The following ZC3H18 variants were observed in gnomAD, a reference collection of about 807,000 sequenced individuals.
ZC3H18 encodes zinc finger CCCH-type containing 18.
In ZC3H18, 8 loss-of-function variants were observed where a neutral mutation model predicts 106.1. The ratio of observed to expected loss-of-function variants is 0.08; its 90% CI spans 0.04 to 0.14. The LOEUF is 0.14. ZC3H18 is among the 10% of genes least tolerant of loss of function. The pLI is 1.00. For missense variants in ZC3H18, 1,318 were observed against 1,278.4 expected, an observed-to-expected ratio of 1.03 and a Z score of -0.47; for synonymous variants, 635 against 522.1, an observed-to-expected ratio of 1.22 and a Z score of -2.95.
At chr16:88,578,421 T>G (rs1029350830) in intron 2 of ZC3H18, among the ~76,000 whole-genome samples, 2 of 152,172 alleles carry the variant, frequency 1.3e-5, no homozygotes, top group Non-Finnish European at 1.5e-5. Context: ...GGAAAAACTA[T>G]GAGTGTTTCG....
chr16:88,579,985 G>C (rs531839717), intron 2 of ZC3H18, among the ~76,000 whole-genome samples: 95 of 152,256 alleles, frequency 6.2e-4, no homozygotes, highest in African/African-American at 2.2e-3. Flanking sequence ...CTCTACAAGA[G>C]CACATTTGAC....
At chr16:88,624,429 C>A (rs1906164615) in intron 11 of ZC3H18, 173 bp from the exon 12 acceptor site, 3 of 1,076,226 alleles carry the variant, frequency 2.8e-6, no homozygotes, top group Admixed American at 2.3e-5. Flanking sequence ...TGAAGCCGTT[C>A]CCAAGCACTC....
intron 10 of ZC3H18, chr16:88,623,659 G>C: frequency 1.8e-6 from 1 of 553,504 alleles, no homozygotes; most frequent in South Asian, 2.5e-5. Flanking sequence ...GTTTCTATGG[G>C]AGCTGTGCTG....
At chr16:88,610,544 G>A (rs894613751) in intron 7 of ZC3H18, among the ~76,000 whole-genome samples, 1 of 152,244 alleles carries the variant, frequency 6.6e-6, no homozygotes, top group Non-Finnish European at 1.5e-5. Context: ...TGCTGTGTCC[G>A]AGGGAGGGGC....
At chr16:88,605,711 G>A (rs947840622) in intron 6 of ZC3H18, among the ~76,000 whole-genome samples, 3 of 152,208 alleles carry the variant, frequency 2.0e-5, no homozygotes, top group African/African-American at 7.2e-5. Flanking sequence ...TTGAGATCCA[G>A]TTTCCTTGTC....
At chr16:88,615,274 G>A (rs1905526788) in intron 8 of ZC3H18, among the ~76,000 whole-genome samples, 1 of 132,406 alleles carries the variant, frequency 7.6e-6, no homozygotes, top group African/African-American at 2.9e-5. Context: ...CCTCCTCCAG[G>A]GTTTTGCTCA....
intron 7 of ZC3H18, 42 bp from the exon 8 acceptor site, chr16:88,611,226 A>G (rs753727228): frequency 4.1e-5 from 30 of 731,864 alleles, no homozygotes; most frequent in East Asian, 4.9e-5. Context: ...CTGTCACCCA[A>G]ATAACGCACG....
intron 17 of ZC3H18, 49 bp downstream of exon 17, chr16:88,630,630 C>G: frequency 1.3e-6 from 2 of 1,515,914 alleles, no homozygotes; most frequent in Non-Finnish European, 1.8e-6. Flanking sequence ...GGGCCAGCCC[C>G]AGTCGCTTCC....
At chr16:88,617,480 G>A (rs1308183690) in intron 8 of ZC3H18, among the ~76,000 whole-genome samples, 4 of 152,228 alleles carry the variant, frequency 2.6e-5, no homozygotes, top group Non-Finnish European at 1.5e-5. Flanking sequence ...TAGCTAGGCC[G>A]ATGGGTGTGC....
At chr16:88,588,995 G>T (rs1034374088) in intron 3 of ZC3H18, among the ~76,000 whole-genome samples, 1 of 152,122 alleles carries the variant, frequency 6.6e-6, no homozygotes, top group Non-Finnish European at 1.5e-5. Context: ...GAGGTGATAC[G>T]GTACAGAGGA....
intron 3 of ZC3H18, among the ~76,000 whole-genome samples, chr16:88,588,402 A>C (rs1915559445): frequency 6.6e-6 from 1 of 152,216 alleles, no homozygotes; most frequent in Non-Finnish European, 1.5e-5. Context: ...CCACCAGGGC[A>C]GGGAGACTCT....
Position 88,630,407 on chromosome 16 carries a change from C to T in ZC3H18, c.2567-78C>T, listed in dbSNP as rs1393257336. On this transcript the variant is annotated intron_variant, in intron 16 of 17. Transcript: ENST00000301011. ...CAGCCTCAGGCTTTAGAAGTGAGTC[C>T]CTGGCATCGGTGAGGCCACCCACAC... 4 of 1,138,862 alleles carry T rather than the reference C, an allele frequency of 3.5e-6. No homozygotes were observed. In the Admixed American group the frequency reaches 6.1e-5, roughly 17 times the overall value. 70.5% of individuals were successfully genotyped at this position (1,138,862 alleles called of 1,614,324 possible).
intron 6 of ZC3H18, 104 bp downstream of exon 6, chr16:88,600,052 C>A: frequency 7.2e-7 from 1 of 1,380,418 alleles, no homozygotes; most frequent in Non-Finnish European, 9.9e-7. Context: ...GGCTGAGACC[C>A]AGCCCCACTC....
chr16:88,585,633 G>T (rs1349327344), intron 2 of ZC3H18, among the ~76,000 whole-genome samples: 1 of 152,190 alleles, frequency 6.6e-6, no homozygotes, highest in Admixed American at 6.5e-5. Context: ...TCAGGAAGAG[G>T]AGAGGGAAGA....
At position 88,577,695 on chromosome 16, in the gene ZC3H18, A is replaced by G. The variant is rs1163048810; in HGVS notation, c.572A>G (p.Asp191Gly). 2 of 1,613,620 alleles carry G rather than the reference A, an allele frequency of 1.2e-6. No homozygotes were observed. The highest frequency in any genetic ancestry group is 1.3e-5 in the African/African-American group (1 of 74,888). ...EAAKEKKKED[D>G]DGEIDDGEID... The stretch of plus-strand genomic sequence containing the variant: ...GCCAAGGAGAAAAAGAAAGAGGACG[A>G]TGATGGAGAAATCGATGATGGGGAA... The change falls in exon 2 of 18, where the codon GAT (aspartate) becomes GGT (glycine). Residue 191 changes from aspartate (D) to glycine (G), a missense_variant. By Grantham distance (94) the Asp-to-Gly change is moderately conservative. Coordinates refer to ENST00000301011, the MANE Select transcript of ZC3H18 (RefSeq NM_144604.4).
At position 88,609,107 on chromosome 16, in the gene ZC3H18, T is replaced by C. The variant is rs1370288359; in HGVS notation, c.1206+56T>C. ...CTTCATGATCTGTTCATTCAAGTTA[T>C]CCCTTTTTATTTACAGTAAAAAATA... On this transcript the variant is annotated intron_variant, in intron 7 of 17. Coordinates refer to ENST00000301011, the MANE Select transcript of ZC3H18 (RefSeq NM_144604.4). 5 of 1,422,586 alleles carry C rather than the reference T, an allele frequency of 3.5e-6. No homozygotes were observed. In the Admixed American group the frequency reaches 5.6e-5, roughly 16 times the overall value. 88.1% of individuals were successfully genotyped at this position (1,422,586 alleles called of 1,614,324 possible). A position where few individuals can be genotyped will look rare whatever the true frequency, so the allele number is the denominator to read the frequency against.
intron 9 of ZC3H18, 164 bp from the exon 10 acceptor site, chr16:88,623,055 G>A (rs1022143346): frequency 2.1e-6 from 2 of 939,606 alleles, no homozygotes; most frequent in Non-Finnish European, 1.6e-6. Context: ...GGGGGAGGCT[G>A]TATGCGTCTG....
At chr16:88,624,513 C>T in intron 11 of ZC3H18, 89 bp from the exon 12 acceptor site, 2 of 1,594,532 alleles carry the variant, frequency 1.3e-6, no homozygotes, top group Non-Finnish European at 8.6e-7. Flanking sequence ...CAGTGTCGTT[C>T]CCCGAGCTGT....
chr16:88,580,993 G>A (rs147397355), intron 2 of ZC3H18, among the ~76,000 whole-genome samples: 52 of 152,358 alleles, frequency 3.4e-4, no homozygotes, highest in African/African-American at 9.4e-4. Context: ...TACCGGCCCA[G>A]TCAGGAGAGG....
Sources: gnomAD v4.1 joint callset for allele counts (sites outside exome capture counted in the v4.1 genomes callset) on GRCh38, gnomAD v4.1.1 for gene constraint, MANE v1.5 for transcripts, NCBI Gene and HGNC (gene_info 2026-07-23, HGNC 2026-07-21) for gene names.